ZFP42: variants seen among roughly 807,000 people sequenced by gnomAD.
ZFP42 encodes ZFP42 zinc finger protein.
For missense variants in ZFP42, 438 were observed against 377.1 expected (o/e 1.16, Z -1.34); for synonymous variants, 175 against 144.6 (o/e 1.21, Z -1.51).
rs1560915404 is a variant in ZFP42 at position 188,003,027 on chromosome 4, G to T, written c.220G>T (p.Glu74Ter). The change falls in exon 4 of 4, where the codon GAA (glutamate) becomes TAA (stop). Residue 74 changes from glutamate (E) to a stop codon, truncating the protein, a stop_gained. Transcript: ENST00000326866. LOFTEE classifies it low-confidence loss of function (END_TRUNC). ...GGDDFSDCYI[E>*]CVIRGEFSQP... ...GGATGATTTCTCAGACTGTTACATA[G>T]AATGCGTCATAAGGGGTGAGTTTTC... The T allele has an allele frequency of 6.2e-7, 1 of 1,614,174 alleles. No homozygotes were observed. Among genetic ancestry groups the T allele is most frequent in the Admixed American group, 1.7e-5 (1 of 60,022 alleles).
At position 188,003,673 on chromosome 4, in the gene ZFP42, C is replaced by A; in HGVS notation, c.866C>A (p.Ser289Ter). 1.2e-6 allele frequency: 2 copies of A among 1,613,748 alleles called. No individual in the cohort carries two copies. Among genetic ancestry groups the A allele is most frequent in the South Asian group, 2.2e-5 (2 of 91,064 alleles). The change falls in exon 4 of 4, where the codon TCA (serine) becomes TAA (stop). Residue 289 changes from serine (S) to a stop codon, truncating the protein, a stop_gained. Transcript: ENST00000326866. LOFTEE classifies it low-confidence loss of function (END_TRUNC). ...GGCTGCAACAGGAGGTTTATTCAGT[C>A]AAATAACCTGAAAGCCCACATCCTA... Reference protein sequence around the residue: ...FQGCNRRFIQSNNLKAHILTH... With the variant: ...FQGCNRRFIQ
chr4:188,002,870 C>A lies in ZFP42; in HGVS notation c.63C>A (p.Ala21=). 6.2e-7 allele frequency: 1 copy of A among 1,614,144 alleles called. No homozygotes were observed. The highest frequency in any genetic ancestry group is 8.5e-7 in the Non-Finnish European group (1 of 1,180,028). Residue 21 remains alanine, a synonymous_variant, in exon 4 of 4, where the codon GCC becomes GCA. Coordinates refer to ENST00000326866, the MANE Select transcript of ZFP42 (RefSeq NM_174900.5). ...TRHQKGLGGR[A]PSGAKPRQGK... is the part of the protein sequence containing the mutation. Reference sequence around the variant, plus strand: ...ACCAGAAAGGCCTGGGTGGAAGAGCCCCCAGTGGGGCTAAGCCCAGGCAAG... The same window carrying A: ...ACCAGAAAGGCCTGGGTGGAAGAGCACCCAGTGGGGCTAAGCCCAGGCAAG...
chr4:188,000,603 A>G (rs1733773739), intron 3 of ZFP42, among the ~76,000 whole-genome samples: 3 of 151,908 alleles, frequency 2.0e-5, no homozygotes, highest in African/African-American at 7.2e-5. Flanking sequence ...TAAACTCCTG[A>G]TCTCAGGTGA....
intron 3 of ZFP42, among the ~76,000 whole-genome samples, chr4:188,001,861 T>G (rs1277096999): frequency 5.9e-5 from 9 of 152,212 alleles, no homozygotes; most frequent in Admixed American, 5.2e-4. Flanking sequence ...TTATTTAATT[T>G]GAATTTCATA....
At chr4:187,996,948 C>T (rs572141290) in intron 1 of ZFP42, among the ~76,000 whole-genome samples, 14 of 151,394 alleles carry the variant, frequency 9.2e-5, no homozygotes, top group Admixed American at 7.9e-4. Flanking sequence ...GCGCCTGGGC[C>T]TCGCCCCAGC....
At position 188,003,176 on chromosome 4, in the gene ZFP42, GAA is replaced by G. The variant is rs141008020; in HGVS notation, c.374_375del (p.Lys125ArgfsTer17). ...CCCTTGAATGTTCTTTGGAATACAT[GAA>G]AAAAGGGGTAAAGAAAGAGCTTCCA... The part of the protein sequence containing the change: ...SSLECSLEYM[K>X]KGVKKELPQK... On this transcript the variant is annotated frameshift_variant, in exon 4 of 4. Coordinates refer to ENST00000326866, the MANE Select transcript of ZFP42 (RefSeq NM_174900.5). LOFTEE classifies it low-confidence loss of function (END_TRUNC). 1.9e-6 allele frequency: 3 copies of G among 1,612,962 alleles called. No individual in the cohort carries two copies. The highest frequency in any genetic ancestry group is 2.5e-6 in the Non-Finnish European group (3 of 1,179,774).
intron 3 of ZFP42, among the ~76,000 whole-genome samples, chr4:188,000,585 G>T (rs1376474853): frequency 6.6e-6 from 1 of 151,942 alleles, no homozygotes; most frequent in Admixed American, 6.6e-5. Context: ...TATTGGCCAG[G>T]CTGGTCTTAA....
At chr4:187,999,365 C>G (rs1268851083) in intron 2 of ZFP42, 92 bp downstream of exon 2, 1 of 152,220 alleles carries the variant, frequency 6.6e-6, no homozygotes, top group Non-Finnish European at 1.5e-5. Flanking sequence ...CTCCTGGGCT[C>G]AAGGGATCCA....
intron 3 of ZFP42, among the ~76,000 whole-genome samples, chr4:188,001,381 A>G (rs1206772615): frequency 2.0e-5 from 3 of 152,202 alleles, no homozygotes; most frequent in African/African-American, 7.2e-5. Context: ...TTATAACGTC[A>G]TTGCTGTTAA....
At chr4:187,997,463 G>C (rs1213891516) in intron 1 of ZFP42, among the ~76,000 whole-genome samples, 1 of 151,358 alleles carries the variant, frequency 6.6e-6, no homozygotes, top group Non-Finnish European at 1.5e-5. Flanking sequence ...TCCTGACCTC[G>C]TGATCCGCCC....
chr4:187,998,001 A>C (rs1442294666), intron 1 of ZFP42, among the ~76,000 whole-genome samples: 1 of 152,228 alleles, frequency 6.6e-6, no homozygotes, highest in African/African-American at 2.4e-5. Flanking sequence ...GCTAAGTGTT[A>C]TTACAAAAGA....
In ZFP42 at chr4:188,004,485, A is replaced by T. The variant is rs937332895; in HGVS notation, c.*745A>T. The T allele has an allele frequency of 6.6e-6, 1 of 152,208 alleles. No individual in the cohort carries two copies. The highest frequency in any genetic ancestry group is 2.4e-5 in the African/African-American group (1 of 41,382). 9.4% of individuals were successfully genotyped at this position (152,208 alleles called of 1,614,324 possible). A position where few individuals can be genotyped will look rare whatever the true frequency, so the allele number is the denominator to read the frequency against. ...CAGGTGTGTGTCACCACGCCCGGCT[A>T]ATTTTTGTATTTTTAGTAGAGATGG... is the stretch of plus-strand genomic sequence containing the variant. On this transcript the variant is annotated 3_prime_UTR_variant, in exon 4 of 4. Coordinates refer to ENST00000326866, the MANE Select transcript of ZFP42 (RefSeq NM_174900.5).
intron 1 of ZFP42, among the ~76,000 whole-genome samples, chr4:187,996,764 G>A (rs902806581): frequency 1.3e-5 from 2 of 152,044 alleles, no homozygotes; most frequent in Admixed American, 6.6e-5. Flanking sequence ...AGCCCTTCGC[G>A]GGATTCCCAA....
rs767393560 is a variant in ZFP42 at position 188,003,620 on chromosome 4, G to A, written c.813G>A (p.Gly271=). Residue 271 remains glycine (G), a synonymous_variant, in exon 4 of 4, where the codon GGG becomes GGA. Coordinates refer to ENST00000326866, the MANE Select transcript of ZFP42 (RefSeq NM_174900.5). ...NLRTHVRIHT[G]EKRFVCPFQG... The stretch of plus-strand genomic sequence containing the variant: ...GTACGCACGTGCGCATCCACACGGG[G>A]GAGAAACGTTTCGTGTGTCCCTTTC... 6.8e-6 allele frequency: 11 copies of A among 1,613,332 alleles called. No homozygotes were observed. In the African/African-American group the frequency reaches 8.0e-5, roughly 12 times the overall value.
At position 188,003,934 on chromosome 4, in the gene ZFP42, T is replaced by A. The variant is rs892544064; in HGVS notation, c.*194T>A. ...ATGGTGCATTTTTTTTTCTTTTATTTGTTTTATTTAGAACTTTTTTTATTT... is the reference window on the plus strand; with the variant it reads ...ATGGTGCATTTTTTTTTCTTTTATTAGTTTTATTTAGAACTTTTTTTATTT... On this transcript the variant is annotated 3_prime_UTR_variant, in exon 4 of 4. Coordinates refer to ENST00000326866, the MANE Select transcript of ZFP42 (RefSeq NM_174900.5). 5.3e-5 allele frequency: 29 copies of A among 551,270 alleles called. No individual in the cohort carries two copies. The highest frequency in any genetic ancestry group is 7.9e-5 in the Non-Finnish European group (25 of 317,466). The allele number at this position is 551,270 out of a possible 1,614,324, so 34.1% of individuals were successfully genotyped here.
In ZFP42 at chr4:188,004,272, G is replaced by A. The variant is rs1733972264; in HGVS notation, c.*532G>A. On this transcript the variant is annotated 3_prime_UTR_variant, in exon 4 of 4. Coordinates refer to ENST00000326866, the MANE Select transcript of ZFP42 (RefSeq NM_174900.5). Reference sequence around the variant, plus strand: ...TCCAGACCAGCCTGGGCAACATAGTGAGATCCTGTCTCTACAAAAAAATTT... The same window carrying A: ...TCCAGACCAGCCTGGGCAACATAGTAAGATCCTGTCTCTACAAAAAAATTT... 1 of 163,770 alleles carries A rather than the reference G, an allele frequency of 6.1e-6. No homozygotes were observed. The allele number at this position is 163,770 out of a possible 1,614,324, so 10.1% of individuals were successfully genotyped here.
rs1275192426 is a variant in ZFP42, at chr4:188,004,737, G to A, written c.*997G>A. On this transcript the variant is annotated 3_prime_UTR_variant, in exon 4 of 4. Coordinates refer to ENST00000326866, the MANE Select transcript of ZFP42 (RefSeq NM_174900.5). ...CAGGAGTTTGAGGCTACAGTGAGCT[G>A]TGATTGCACCACTGTACTCCAGACT... The A allele has an allele frequency of 6.0e-6, 1 of 167,112 alleles. No homozygotes were observed. Among genetic ancestry groups the A allele is most frequent in the Non-Finnish European group, 1.5e-5 (1 of 68,210 alleles). 10.4% of individuals were successfully genotyped at this position (167,112 alleles called of 1,614,324 possible). A position where few individuals can be genotyped will look rare whatever the true frequency, so the allele number is the denominator to read the frequency against.
At chr4:188,002,639 T>G in intron 3 of ZFP42, 74 bp from the exon 4 acceptor site, 1 of 623,714 alleles carries the variant, frequency 1.6e-6, no homozygotes, top group Non-Finnish European at 2.8e-6. Flanking sequence ...TTGGAAAATG[T>G]GTCTTAGGTC....
chr4:187,996,821 T>A (rs1278662197), intron 1 of ZFP42, among the ~76,000 whole-genome samples: 2 of 152,182 alleles, frequency 1.3e-5, no homozygotes, highest in East Asian at 3.9e-4. Context: ...TCCATGCAGC[T>A]GTCCGGCCCA....
Sources: allele counts gnomAD v4.1 joint callset (sites outside exome capture counted in the v4.1 genomes callset), GRCh38; gene constraint gnomAD v4.1.1; transcripts MANE v1.5; gene names NCBI Gene and HGNC (gene_info 2026-07-23, HGNC 2026-07-21).